The following SGCZ variants were observed in gnomAD, a reference collection of about 807,000 sequenced individuals.
SGCZ encodes the protein zeta-sarcoglycan.
Under a neutral mutation model 41.3 loss-of-function variants are expected in SGCZ, and 40 were observed. The observed-to-expected ratio is 0.97, with a 90% CI of 0.75 to 1.26. SGCZ has a LOEUF of 1.26. Ranked by LOEUF, SGCZ falls within the 50% of genes most tolerant of loss-of-function variation. SGCZ has a pLI of 0.00. For synonymous variants in SGCZ, 206 were observed against 137.5 expected, an observed-to-expected ratio of 1.50 and a Z score of -3.49; for missense variants, 552 against 369.8, an observed-to-expected ratio of 1.49 and a Z score of -4.04.
At chr8:14,594,667 G>A (rs1320729635) in intron 1 of SGCZ, among the ~76,000 whole-genome samples, 2 of 151,810 alleles carry the variant, frequency 1.3e-5, no homozygotes, top group Admixed American at 1.3e-4. Flanking sequence ...CACTCTAAAA[G>A]GGCATGGGTT....
intron 5 of SGCZ, among the ~76,000 whole-genome samples, chr8:14,108,495 G>A (rs1007850159): frequency 1.1e-4 from 17 of 152,096 alleles, no homozygotes; most frequent in East Asian, 9.6e-4. Flanking sequence ...CATACATCGC[G>A]GTGGCAAGAG....
chr8:15,215,934 G>A (rs1221558909), intron 1 of SGCZ, among the ~76,000 whole-genome samples: 1 of 152,128 alleles, frequency 6.6e-6, no homozygotes, highest in African/African-American at 2.4e-5. Flanking sequence ...CATTTTTCCT[G>A]CATTCTGTTT....
At chr8:14,209,913 T>C (rs910569373) in intron 4 of SGCZ, among the ~76,000 whole-genome samples, 4 of 152,168 alleles carry the variant, frequency 2.6e-5, no homozygotes, top group Non-Finnish European at 5.9e-5. Context: ...TTAGTTAAAA[T>C]AATTCATTTT....
At chr8:14,885,986 T>TAC (rs1804779397) in intron 1 of SGCZ, among the ~76,000 whole-genome samples, 1 of 5,446 alleles carries the variant, frequency 1.8e-4, no homozygotes. Flanking sequence ...GACTTTATGT[T>TAC]ATATATATAT....
At chr8:14,821,006 G>A (rs1230512359) in intron 1 of SGCZ, among the ~76,000 whole-genome samples, 1 of 149,850 alleles carries the variant, frequency 6.7e-6, no homozygotes, top group East Asian at 1.9e-4. Context: ...AAGTAAAATA[G>A]CGATTCAAAA....
intron 3 of SGCZ, among the ~76,000 whole-genome samples, chr8:14,282,426 T>C (rs1378461352): frequency 2.0e-5 from 3 of 152,172 alleles, no homozygotes; most frequent in Non-Finnish European, 2.9e-5. Flanking sequence ...AACTATCTCT[T>C]GATCCCTCCC....
intron 3 of SGCZ, among the ~76,000 whole-genome samples, chr8:14,250,492 T>C (rs540119865): frequency 3.3e-5 from 5 of 152,140 alleles, no homozygotes; most frequent in Non-Finnish European, 5.9e-5. Flanking sequence ...AGAAGTGATA[T>C]AGGACATTTA....
At chr8:15,087,308 T>C (rs10503530) in intron 1 of SGCZ, among the ~76,000 whole-genome samples, 8,776 of 152,156 alleles carry the variant, frequency 0.058, 792 homozygotes, top group African/African-American at 0.19. Flanking sequence ...ATGTTGGAGA[T>C]GATGTGTGAC....
intron 1 of SGCZ, among the ~76,000 whole-genome samples, chr8:14,637,888 G>T (rs1588437): frequency 0.35 from 53,539 of 151,666 alleles, 9,683 homozygotes; most frequent in East Asian, 0.63. Flanking sequence ...CCTTTGAGAA[G>T]TCTGCAAACT....
At chr8:14,262,429 G>T (rs1799707487) in intron 3 of SGCZ, among the ~76,000 whole-genome samples, 1 of 152,008 alleles carries the variant, frequency 6.6e-6, no homozygotes, top group African/African-American at 2.4e-5. Flanking sequence ...GCATAGGAAT[G>T]AATATATAAT....
intron 1 of SGCZ, among the ~76,000 whole-genome samples, chr8:14,617,434 A>G (rs1434992756): frequency 2.0e-5 from 3 of 152,128 alleles, no homozygotes; most frequent in Non-Finnish European, 2.9e-5. Context: ...TACTTTTATT[A>G]TGTCTCATTA....
At chr8:14,475,707 C>T (rs1041604481) in intron 2 of SGCZ, among the ~76,000 whole-genome samples, 5 of 152,070 alleles carry the variant, frequency 3.3e-5, no homozygotes, top group Non-Finnish European at 7.4e-5. Flanking sequence ...ATAAAATAAT[C>T]TGAAGCAATT....
intron 7 of SGCZ, among the ~76,000 whole-genome samples, chr8:14,101,033 T>G (rs533408056): frequency 2.0e-5 from 3 of 151,964 alleles, no homozygotes; most frequent in Non-Finnish European, 4.4e-5. Flanking sequence ...ATATATAGAC[T>G]AGCATATAAA....
In SGCZ at chr8:14,423,176, G is replaced by A. The variant is rs112754577; in HGVS notation, c.235-98972C>T. ...GGGGACTGTTGTGGGGTGGGCGGAG[G>A]GGGGAGGGATAGCATTAGGAGATAT... On this transcript the variant is annotated intron_variant, in intron 2 of 7. Coordinates refer to ENST00000382080, the MANE Select transcript of SGCZ (RefSeq NM_139167.4). Among the ~76,000 whole-genome samples, 5 of 151,932 alleles carry A rather than the reference G, an allele frequency of 3.3e-5. No individual in the cohort carries two copies. In the East Asian group the frequency reaches 7.8e-4, roughly 24 times the overall value.
chr8:14,184,803 C>G (rs561605757), intron 4 of SGCZ, among the ~76,000 whole-genome samples: 1 of 152,208 alleles, frequency 6.6e-6, no homozygotes, highest in African/African-American at 2.4e-5. Flanking sequence ...GATCAGTTTA[C>G]CTGATATTAC....
At chr8:14,980,735 AT>A (rs1176430034) in intron 1 of SGCZ, among the ~76,000 whole-genome samples, 2 of 87,278 alleles carry the variant, frequency 2.3e-5, no homozygotes, top group African/African-American at 8.2e-5. Context: ...CTGTGATTCA[AT>A]CATCTCCCAC....
intron 4 of SGCZ, among the ~76,000 whole-genome samples, chr8:14,219,724 C>A (rs954071456): frequency 3.3e-5 from 5 of 149,604 alleles, no homozygotes; most frequent in Non-Finnish European, 5.9e-5. Flanking sequence ...TCCAGCCTGG[C>A]GACAGAGTGA....
intron 1 of SGCZ, among the ~76,000 whole-genome samples, chr8:14,933,924 G>A (rs915726229): frequency 2.0e-5 from 3 of 151,870 alleles, no homozygotes; most frequent in African/African-American, 4.9e-5. Flanking sequence ...AAAATATACA[G>A]AAGAAAATGT....
At chr8:14,162,815 G>A (rs1019970579) in intron 5 of SGCZ, 1 of 152,204 alleles carries the variant, frequency 6.6e-6, no homozygotes, top group Non-Finnish European at 1.5e-5. Context: ...TACCCAGTGA[G>A]GGTTCCCATT....
Sources: allele counts gnomAD v4.1 joint callset (sites outside exome capture counted in the v4.1 genomes callset), GRCh38; gene constraint gnomAD v4.1.1; transcripts MANE v1.5; gene names NCBI Gene and HGNC (gene_info 2026-07-23, HGNC 2026-07-21).